Variants in ARSB observed in about 807,000 individuals in gnomAD.
ARSB encodes N-acetylgalactosamine-4-sulfatase.
A neutral mutation model predicts 50.9 loss-of-function variants in ARSB; 41 were observed. That is an observed-to-expected ratio of 0.81 (90% CI 0.63 to 1.04). ARSB has a LOEUF of 1.04. Ranked by LOEUF, ARSB falls within the 50% of genes least tolerant of loss-of-function variation. ARSB has a pLI of 0.00. For missense variants in ARSB, 672 were observed against 693.3 expected, an observed-to-expected ratio of 0.97 and a Z score of 0.35; for synonymous variants, 269 against 284.8, an observed-to-expected ratio of 0.94 and a Z score of 0.56.
intron 1 of ARSB, among the ~76,000 whole-genome samples, chr5:78,979,806 A>C (rs1752821049): frequency 6.6e-6 from 1 of 152,224 alleles, no homozygotes; most frequent in African/African-American, 2.4e-5. Context: ...ATATTAACCC[A>C]AAAGAACTTA....
rs753637533 is a variant in ARSB, at chr5:78,905,168, A to AT, written c.899-19342dup. Among the ~76,000 whole-genome samples, 4 of 152,046 alleles carry AT rather than the reference A, an allele frequency of 2.6e-5. No homozygotes were observed. In the East Asian group the frequency reaches 7.7e-4, roughly 29 times the overall value. On this transcript the variant is annotated intron_variant, in intron 4 of 7. Transcript: ENST00000264914. ...TGGCTTTAGTTTCTATTTCACTGCT[A>AT]TTTTTCCATTCATTTCAAGAGTGTT...
intron 2 of ARSB, among the ~76,000 whole-genome samples, chr5:78,967,673 TAAA>T (rs35093883): frequency 6.7e-5 from 8 of 120,080 alleles, no homozygotes; most frequent in Non-Finnish European, 6.9e-5. Flanking sequence ...ACTCCGTATA[TAAA>T]AAAAAAAAAA....
At chr5:78,949,176 T>C (rs1751387134) in intron 4 of ARSB, among the ~76,000 whole-genome samples, 1 of 152,208 alleles carries the variant, frequency 6.6e-6, no homozygotes, top group South Asian at 2.1e-4. Context: ...AAGGAATGAA[T>C]CATGGATTTC....
Position 78,878,884 on chromosome 5 carries a change from T to G in ARSB, c.1142+6700A>C, listed in dbSNP as rs886928138. Among the ~76,000 whole-genome samples the G allele has an allele frequency of 5.3e-5, 8 of 151,992 alleles. No individual in the cohort carries two copies. The South Asian group carries it at 1.7e-3, about 31-fold the overall frequency. On this transcript the variant is annotated intron_variant, in intron 5 of 7. Transcript: ENST00000264914. ...TTTTTTTTTTCCTGAAACAGGATCT[T>G]GCTCTGTTGCCCAGGCTGGAGTGCA...
chr5:78,928,879 C>A (rs1290769988), intron 4 of ARSB, among the ~76,000 whole-genome samples: 1 of 152,192 alleles, frequency 6.6e-6, no homozygotes, highest in Non-Finnish European at 1.5e-5. Flanking sequence ...CCCCATTTCT[C>A]CTGTGGTCTT....
intron 5 of ARSB, among the ~76,000 whole-genome samples, chr5:78,862,458 C>T (rs983839796): frequency 3.3e-5 from 5 of 152,164 alleles, no homozygotes; most frequent in African/African-American, 1.2e-4. Flanking sequence ...AGAAATACAA[C>T]CTTCTGATCT....
At chr5:78,808,597 T>C (rs1054336071) in intron 6 of ARSB, among the ~76,000 whole-genome samples, 1 of 152,146 alleles carries the variant, frequency 6.6e-6, no homozygotes, top group Non-Finnish European at 1.5e-5. Context: ...CATCCTGTAC[T>C]GGGTGGAGTG....
At chr5:78,935,870 ATT>A (rs1023146408) in intron 4 of ARSB, among the ~76,000 whole-genome samples, 10 of 151,460 alleles carry the variant, frequency 6.6e-5, no homozygotes, top group African/African-American at 2.2e-4. Flanking sequence ...CCTCCTGAGT[ATT>A]TACAAAAGTC....
chr5:78,972,543 A>ACACACACACACCCC (rs1361695118), intron 1 of ARSB, among the ~76,000 whole-genome samples: 2 of 150,302 alleles, frequency 1.3e-5, no homozygotes, highest in African/African-American at 4.9e-5. Flanking sequence ...ACACACACAC[A>ACACACACACACCCC]CCCCAAATCA....
In ARSB at chr5:78,962,688, G is replaced by A. The variant is rs556518135; in HGVS notation, c.690+1728C>T. ...ACTACAGGCACCCACCACTGCACCC[G>A]GCTAATTTTTTTTGTATTTTTAGTA... On this transcript the variant is annotated intron_variant, in intron 3 of 7. Coordinates refer to ENST00000264914, the MANE Select transcript of ARSB (RefSeq NM_000046.5). Among the ~76,000 whole-genome samples, 107 of 151,998 alleles carry A rather than the reference G, an allele frequency of 7.0e-4. 1 individual carries two copies. The South Asian group carries it at 8.3e-3, about 12-fold the overall frequency.
chr5:78,953,786 A>C (rs1299828250), intron 4 of ARSB, among the ~76,000 whole-genome samples: 1 of 152,298 alleles, frequency 6.6e-6, no homozygotes, highest in African/African-American at 2.4e-5. Flanking sequence ...GATATAAACA[A>C]ACTGAAAAAA....
intron 6 of ARSB, among the ~76,000 whole-genome samples, chr5:78,798,113 A>G (rs527378982): frequency 3.7e-4 from 57 of 152,366 alleles, no homozygotes; most frequent in African/African-American, 1.3e-3. Flanking sequence ...CTTTTAACAT[A>G]TAATGGCCAT....
At chr5:78,815,786 A>T in intron 6 of ARSB, 5 of 1,233,260 alleles carry the variant, frequency 4.1e-6, no homozygotes, top group Non-Finnish European at 5.1e-6. Flanking sequence ...GGAAAAGGTA[A>T]CACAAAGAAC....
chr5:78,830,437 C>G (rs1332095848), intron 6 of ARSB, among the ~76,000 whole-genome samples: 1 of 152,156 alleles, frequency 6.6e-6, no homozygotes, highest in Non-Finnish European at 1.5e-5. Context: ...CCTGATTTCT[C>G]CAAACATAAA....
chr5:78,810,916 A>T (rs1357653117), intron 6 of ARSB, among the ~76,000 whole-genome samples: 1 of 152,254 alleles, frequency 6.6e-6, no homozygotes, highest in African/African-American at 2.4e-5. Context: ...TCTACACAGA[A>T]GGCTTACTCA....
chr5:78,827,807 C>T (rs74990384), intron 6 of ARSB, among the ~76,000 whole-genome samples: 1 of 151,984 alleles, frequency 6.6e-6, no homozygotes, highest in African/African-American at 2.4e-5. Flanking sequence ...ATTCTGGGAC[C>T]CACAGTCCTA....
chr5:78,965,411 A>G (rs1281294307), intron 2 of ARSB, among the ~76,000 whole-genome samples: 1 of 152,174 alleles, frequency 6.6e-6, no homozygotes, highest in East Asian at 1.9e-4. Flanking sequence ...AATGCCCACA[A>G]CATGTAAATC....
chr5:78,800,718 G>C (rs1192300322), intron 6 of ARSB, among the ~76,000 whole-genome samples: 1 of 152,144 alleles, frequency 6.6e-6, no homozygotes, highest in African/African-American at 2.4e-5. Flanking sequence ...TCAATAAAAG[G>C]CAATACATGA....
chr5:78,841,132 G>GTACTACTACTACTACTACTACTACTAC (rs71613989), intron 5 of ARSB, among the ~76,000 whole-genome samples: 35 of 134,694 alleles, frequency 2.6e-4, no homozygotes, highest in East Asian at 2.5e-3. Flanking sequence ...GACCTGGTCT[G>GTACTACTACTACTACTACTACTACTAC]TACTACTACT....
Sources: allele counts gnomAD v4.1 joint callset (sites outside exome capture counted in the v4.1 genomes callset), GRCh38; gene constraint gnomAD v4.1.1; transcripts MANE v1.5; gene names NCBI Gene and HGNC (gene_info 2026-07-23, HGNC 2026-07-21).